ZFHX3: variants seen among roughly 807,000 people sequenced by gnomAD.
ZFHX3 encodes zinc finger homeobox protein 3.
In ZFHX3, 42 loss-of-function variants were observed where a neutral mutation model predicts 279.1. The observed-to-expected ratio is 0.15, with a 90% CI of 0.12 to 0.19. ZFHX3 has a LOEUF of 0.19. ZFHX3 is among the 10% of genes least tolerant of loss of function. ZFHX3 has a pLI of 1.00. For missense variants in ZFHX3, 4,981 were observed against 4,754.0 expected, an observed-to-expected ratio of 1.05 and a Z score of -1.40; for synonymous variants, 2,293 against 1,957.8, an observed-to-expected ratio of 1.17 and a Z score of -4.52.
intron 7 of ZFHX3, among the ~76,000 whole-genome samples, chr16:73,117,810 G>A (rs919861979): frequency 6.6e-6 from 1 of 152,140 alleles, no homozygotes; most frequent in African/African-American, 2.4e-5. Context: ...TATAAAAAAG[G>A]CCTGAGAGAG....
chr16:73,219,914 C>A (rs1412822927), intron 5 of ZFHX3, among the ~76,000 whole-genome samples: 1 of 152,018 alleles, frequency 6.6e-6, no homozygotes, highest in Non-Finnish European at 1.5e-5. Context: ...GGTGAAACCC[C>A]GTCTCTACCA....
At chr16:73,204,204 G>A (rs1331891692) in intron 5 of ZFHX3, among the ~76,000 whole-genome samples, 1 of 151,792 alleles carries the variant, frequency 6.6e-6, no homozygotes, top group Non-Finnish European at 1.5e-5. Context: ...GGGGTAGGGG[G>A]AATGGTTTGG....
chr16:73,114,987 C>A (rs1490526506), intron 7 of ZFHX3, among the ~76,000 whole-genome samples: 1 of 151,998 alleles, frequency 6.6e-6, no homozygotes, highest in East Asian at 1.9e-4. Context: ...GGGCCCCAGG[C>A]CCTTCTATAG....
chr16:73,508,964 A>T (rs1343032609), intron 2 of ZFHX3, among the ~76,000 whole-genome samples: 2 of 152,208 alleles, frequency 1.3e-5, no homozygotes, highest in Admixed American at 1.3e-4. Flanking sequence ...ACTTAAGGCA[A>T]CTTTTAGACT....
At chr16:73,631,388 A>G (rs563990857) in intron 2 of ZFHX3, among the ~76,000 whole-genome samples, 1 of 152,206 alleles carries the variant, frequency 6.6e-6, no homozygotes. Context: ...GCTTCAAACC[A>G]GTAGTTTTTA....
Position 73,824,400 on chromosome 16 carries a change from G to GT in ZFHX3, c.-1608+67250dup, listed in dbSNP as rs1163569387. Among the ~76,000 whole-genome samples the GT allele has an allele frequency of 6.5e-3, 818 of 125,722 alleles. 15 individuals are homozygous for GT. In the East Asian group the frequency reaches 0.085, roughly 13 times the overall value. 82.5% of individuals were successfully genotyped at this position (125,722 alleles called of 152,430 possible). ...TAATTTCTTTTTTTTTTTTTTTAAT[G>GT]TTTTTTTTTTTTTATTATACTTTAA... On this transcript the variant is annotated intron_variant, in intron 1 of 17. Coordinates refer to the ZFHX3 transcript ENST00000641206.
At chr16:73,356,453 C>A (rs548129790) in intron 3 of ZFHX3, among the ~76,000 whole-genome samples, 3 of 152,080 alleles carry the variant, frequency 2.0e-5, no homozygotes, top group East Asian at 3.9e-4. Flanking sequence ...TCTGTAATAC[C>A]AGTTCCAGCT....
chr16:73,145,634 T>A lies in ZFHX3; in HGVS notation c.-1103-1803A>T, dbSNP rs571067667. Among the ~76,000 whole-genome samples the A allele has an allele frequency of 1.0e-4, 16 of 152,382 alleles. No individual in the cohort carries two copies. In the South Asian group the frequency reaches 3.3e-3, roughly 32 times the overall value. ...TTTTCCACTTATGATGGATTTCTCT[T>A]CTGTTTCACATGCAGCTGGATTTCC... is the stretch of plus-strand genomic sequence containing the variant. On this transcript the variant is annotated intron_variant, in intron 5 of 17. Transcript: ENST00000641206.
intron 7 of ZFHX3, chr16:72,809,300 C>T (rs1469325543): frequency 6.6e-6 from 1 of 152,166 alleles, no homozygotes; most frequent in Non-Finnish European, 1.5e-5. Context: ...AAATGTAGGT[C>T]AGTATTGACA....
At chr16:73,883,253 C>T (rs1450166489) in intron 1 of ZFHX3, among the ~76,000 whole-genome samples, 2 of 152,008 alleles carry the variant, frequency 1.3e-5, no homozygotes, top group Non-Finnish European at 2.9e-5. Flanking sequence ...ACATAACAAA[C>T]TGCAGAAACA....
chr16:72,802,219 A>G (rs1401909494), intron 7 of ZFHX3, among the ~76,000 whole-genome samples: 1 of 152,124 alleles, frequency 6.6e-6, no homozygotes, highest in Admixed American at 6.5e-5. Flanking sequence ...AATAATGGAA[A>G]AGAGAGACTT....
intron 1 of ZFHX3, among the ~76,000 whole-genome samples, chr16:73,760,803 AGG>A (rs2053856219): frequency 6.6e-6 from 1 of 152,068 alleles, no homozygotes; most frequent in African/African-American, 2.4e-5. Context: ...CAATAAAGAA[AGG>A]TACATTTGAG....
intron 2 of ZFHX3, among the ~76,000 whole-genome samples, chr16:73,555,988 C>T (rs2143778798): frequency 6.6e-6 from 1 of 152,118 alleles, no homozygotes; most frequent in South Asian, 2.1e-4. Context: ...CAAGCATGTC[C>T]CTTTCTTAAA....
intron 1 of ZFHX3, among the ~76,000 whole-genome samples, chr16:72,962,823 A>G (rs1278601041): frequency 2.6e-5 from 4 of 151,950 alleles, no homozygotes; most frequent in Non-Finnish European, 5.9e-5. Flanking sequence ...GTAACCAGGG[A>G]AGGTCAGTCT....
At chr16:73,158,718 T>C (rs1567405623) in intron 5 of ZFHX3, among the ~76,000 whole-genome samples, 2 of 152,060 alleles carry the variant, frequency 1.3e-5, no homozygotes, top group East Asian at 1.9e-4. Context: ...ATGGTACTGG[T>C]ACAAAAACAG....
chr16:72,824,822 G>A (rs2036893866), intron 5 of ZFHX3, among the ~76,000 whole-genome samples: 1 of 152,168 alleles, frequency 6.6e-6, no homozygotes, highest in Admixed American at 6.5e-5. Flanking sequence ...CTGACACGGG[G>A]GGCTCTTCAT....
At position 72,788,832 on chromosome 16, in the gene ZFHX3, C is replaced by T. The variant is rs1395440380; in HGVS notation, c.9444G>A (p.Lys3148=). The T allele has an allele frequency of 5.3e-6, 8 of 1,520,958 alleles. No individual in the cohort carries two copies. Among genetic ancestry groups the T allele is most frequent in the Non-Finnish European group, 7.0e-6 (8 of 1,137,186 alleles). 94.2% of individuals were successfully genotyped at this position (1,520,958 alleles called of 1,614,324 possible). The change falls in exon 10 of 10, where the codon AAG becomes AAA. Residue 3148 remains lysine (K), a synonymous_variant. Transcript: ENST00000268489. ...TPSNTALTSP[K]PNLMGLPSTT... ...TGCTGGGCAGACCCATCAAGTTCGG[C>T]TTAGGAGACGTTAAAGCTGAAAGGA...
chr16:73,358,845 T>C (rs2016387861), intron 3 of ZFHX3, among the ~76,000 whole-genome samples: 1 of 152,236 alleles, frequency 6.6e-6, no homozygotes, highest in Non-Finnish European at 1.5e-5. Context: ...CAGAGGACCC[T>C]GTGTCCATTA....
chr16:73,087,620 C>T (rs1966024065), intron 8 of ZFHX3, among the ~76,000 whole-genome samples: 1 of 152,096 alleles, frequency 6.6e-6, no homozygotes, highest in African/African-American at 2.4e-5. Context: ...ACAAGAATCC[C>T]CTGGGACTCT....
Sources: allele counts gnomAD v4.1 joint callset (sites outside exome capture counted in the v4.1 genomes callset), GRCh38; gene constraint gnomAD v4.1.1; transcripts MANE v1.5; gene names NCBI Gene and HGNC (gene_info 2026-07-23, HGNC 2026-07-21).